Variants in ADAMTS12 observed in about 807,000 individuals in gnomAD.
The protein encoded by ADAMTS12 is ADAM metallopeptidase with thrombospondin type 1 motif 12.
In ADAMTS12, 118 loss-of-function variants were observed where a neutral mutation model predicts 167.8. That is an observed-to-expected ratio of 0.70 (90% CI 0.61 to 0.82). ADAMTS12 has a LOEUF of 0.82. Among genes scored for constraint, ADAMTS12 ranks in the 40% least tolerant of loss-of-function variants. The pLI is 0.00. For synonymous variants in ADAMTS12, 704 were observed against 716.9 expected (o/e 0.98, Z 0.29); for missense variants, 1,916 against 1,998.8 (o/e 0.96, Z 0.79).
At chr5:33,832,532 G>A (rs1273474590) in intron 2 of ADAMTS12, among the ~76,000 whole-genome samples, 2 of 152,090 alleles carry the variant, frequency 1.3e-5, no homozygotes, top group Admixed American at 6.6e-5. Context: ...GATTTAAATC[G>A]AGTTCCATTC....
At chr5:33,702,071 C>T (rs1743024613) in intron 3 of ADAMTS12, among the ~76,000 whole-genome samples, 1 of 152,174 alleles carries the variant, frequency 6.6e-6, no homozygotes, top group Non-Finnish European at 1.5e-5. Flanking sequence ...AAGTCTCCAA[C>T]CCATCCCACC....
intron 12 of ADAMTS12, among the ~76,000 whole-genome samples, chr5:33,637,184 T>C (rs1740236382): frequency 6.6e-6 from 1 of 152,188 alleles, no homozygotes; most frequent in Admixed American, 6.5e-5. Context: ...GCCTTTTTTT[T>C]GCAATTACTT....
chr5:33,793,733 T>C (rs921577895), intron 2 of ADAMTS12, among the ~76,000 whole-genome samples: 1 of 152,090 alleles, frequency 6.6e-6, no homozygotes, highest in African/African-American at 2.4e-5. Context: ...TCAGCTCCCA[T>C]GCAAACTGAA....
intron 2 of ADAMTS12, among the ~76,000 whole-genome samples, chr5:33,836,745 G>A (rs1207415407): frequency 2.0e-5 from 3 of 152,094 alleles, no homozygotes; most frequent in African/African-American, 4.8e-5. Flanking sequence ...CCTGGGTGGA[G>A]GTAACAAATG....
chr5:33,675,294 C>T (rs928927538), intron 5 of ADAMTS12, among the ~76,000 whole-genome samples: 1 of 152,132 alleles, frequency 6.6e-6, no homozygotes, highest in Admixed American at 6.5e-5. Context: ...TAAGGTTGGA[C>T]CATCTAAATA....
intron 2 of ADAMTS12, among the ~76,000 whole-genome samples, chr5:33,774,360 T>C (rs1450940172): frequency 6.6e-6 from 1 of 152,178 alleles, no homozygotes; most frequent in East Asian, 1.9e-4. Flanking sequence ...GCACCAAATG[T>C]TTTGGGTTTG....
chr5:33,837,442 A>C (rs1748574780), intron 2 of ADAMTS12, among the ~76,000 whole-genome samples: 1 of 152,162 alleles, frequency 6.6e-6, no homozygotes, highest in African/African-American at 2.4e-5. Context: ...CCTCATAAGC[A>C]CTTTGCTTGC....
intron 1 of ADAMTS12, among the ~76,000 whole-genome samples, chr5:33,884,271 A>G (rs1580020605): frequency 6.6e-6 from 1 of 152,082 alleles, no homozygotes; most frequent in East Asian, 1.9e-4. Flanking sequence ...CCTGCAGGGC[A>G]TCCTCTTTGG....
At chr5:33,672,428 A>T (rs1468532975) in intron 5 of ADAMTS12, among the ~76,000 whole-genome samples, 1 of 152,176 alleles carries the variant, frequency 6.6e-6, no homozygotes, top group African/African-American at 2.4e-5. Context: ...GCTAAAGTTA[A>T]TTAAGATCTC....
intron 3 of ADAMTS12, among the ~76,000 whole-genome samples, chr5:33,726,621 C>T (rs189384494): frequency 3.3e-5 from 5 of 150,940 alleles, no homozygotes; most frequent in Non-Finnish European, 4.4e-5. Flanking sequence ...TATTGGAGCA[C>T]GGTTTGAACA....
intron 19 of ADAMTS12, among the ~76,000 whole-genome samples, chr5:33,563,716 C>A (rs1463036393): frequency 2.0e-5 from 3 of 152,190 alleles, no homozygotes; most frequent in Admixed American, 2.0e-4. Context: ...AGAGGTGAGT[C>A]TCTATCAAAA....
intron 3 of ADAMTS12, among the ~76,000 whole-genome samples, chr5:33,748,943 C>T (rs891502316): frequency 6.6e-6 from 1 of 152,134 alleles, no homozygotes; most frequent in Non-Finnish European, 1.5e-5. Flanking sequence ...AGCACATTAG[C>T]AATTCTTGGA....
intron 19 of ADAMTS12, among the ~76,000 whole-genome samples, chr5:33,563,345 T>C (rs1745840656): frequency 6.6e-6 from 1 of 152,208 alleles, no homozygotes; most frequent in Admixed American, 6.5e-5. Flanking sequence ...GGGCTGTCCT[T>C]GTGACTTGTC....
At chr5:33,552,491 T>C (rs2111845570) in intron 20 of ADAMTS12, among the ~76,000 whole-genome samples, 1 of 152,370 alleles carries the variant, frequency 6.6e-6, no homozygotes, top group East Asian at 1.9e-4. Context: ...CAGAATACTT[T>C]CTTCCTCTCA....
intron 18 of ADAMTS12, among the ~76,000 whole-genome samples, chr5:33,581,677 G>C (rs1309617655): frequency 1.3e-5 from 2 of 152,128 alleles, no homozygotes; most frequent in African/African-American, 2.4e-5. Flanking sequence ...AAAACACATA[G>C]GTATCTGTTT....
intron 2 of ADAMTS12, among the ~76,000 whole-genome samples, chr5:33,804,206 T>C (rs1270107887): frequency 6.6e-6 from 1 of 152,218 alleles, no homozygotes; most frequent in Admixed American, 6.5e-5. Flanking sequence ...TATTCATATA[T>C]ATTCCCTTCC....
In ADAMTS12 at chr5:33,843,383, A is replaced by G. The variant is rs181576284; in HGVS notation, c.489+37736T>C. On this transcript the variant is annotated intron_variant, in intron 2 of 23. Coordinates refer to ENST00000504830, the MANE Select transcript of ADAMTS12 (RefSeq NM_030955.4). ...GAGAATCAATGCCCCGTGGCTTGACATGGAGGTCAGAGCCCAAGCAGGGTG... is the reference window on the plus strand; with the variant it reads ...GAGAATCAATGCCCCGTGGCTTGACGTGGAGGTCAGAGCCCAAGCAGGGTG... Among the ~76,000 whole-genome samples the G allele has an allele frequency of 1.3e-3, 203 of 151,728 alleles. 1 individual carries two copies. The highest frequency in any genetic ancestry group is 4.7e-3 in the African/African-American group (195 of 41,514).
At chr5:33,849,862 CA>C (rs2111642675) in intron 2 of ADAMTS12, among the ~76,000 whole-genome samples, 2 of 150,244 alleles carry the variant, frequency 1.3e-5, no homozygotes, top group Admixed American at 1.3e-4. Flanking sequence ...TACATTGTAT[CA>C]ATATATATAT....
intron 19 of ADAMTS12, among the ~76,000 whole-genome samples, chr5:33,574,298 G>A (rs376373438): frequency 5.9e-5 from 9 of 151,816 alleles, no homozygotes; most frequent in Admixed American, 5.3e-4. Context: ...ACATGCACAC[G>A]TATGTTTAGT....
Sources: gnomAD v4.1 joint callset for allele counts (sites outside exome capture counted in the v4.1 genomes callset) on GRCh38, gnomAD v4.1.1 for gene constraint, MANE v1.5 for transcripts, NCBI Gene and HGNC (gene_info 2026-07-23, HGNC 2026-07-21) for gene names.